The following DOCK8 variants were observed in gnomAD, a reference collection of about 807,000 sequenced individuals.
The protein encoded by DOCK8 is dedicator of cytokinesis protein 8.
In DOCK8, 141 loss-of-function variants were observed where a neutral mutation model predicts 245.6. The ratio of observed to expected loss-of-function variants is 0.57; its 90% CI spans 0.50 to 0.66. The LOEUF (loss-of-function observed/expected upper bound fraction) is 0.66, where lower values mean the gene tolerates loss of function less well. Among genes scored for constraint, DOCK8 ranks in the 30% least tolerant of loss-of-function variants. The pLI is 0.00. For missense variants in DOCK8, 2,965 were observed against 2,603.4 expected (o/e 1.14, Z -3.02); for synonymous variants, 1,168 against 970.2 (o/e 1.20, Z -3.79).
At chr9:279,111 A>C (rs1439156277) in intron 2 of DOCK8, among the ~76,000 whole-genome samples, 1 of 152,196 alleles carries the variant, frequency 6.6e-6, no homozygotes, top group East Asian at 1.9e-4. Flanking sequence ...TGATATGTAG[A>C]GTGTAGGAGA....
intron 1 of DOCK8, among the ~76,000 whole-genome samples, chr9:269,552 CTTT>C (rs57326015): frequency 5.7e-5 from 6 of 104,982 alleles, no homozygotes; most frequent in Non-Finnish European, 9.9e-5. Context: ...GTGTGGTTGT[CTTT>C]TTTTTTTTTT....
At chr9:429,589 A>G (rs1244198021) in intron 35 of DOCK8, 113 bp from the exon 36 acceptor site, 3 of 1,289,566 alleles carry the variant, frequency 2.3e-6, no homozygotes, top group Non-Finnish European at 3.3e-6. Context: ...GGAATAATGC[A>G]TTAACTCTTC....
chr9:458,188 CT>C (rs1158693980), intron 46 of DOCK8: 3 of 152,234 alleles, frequency 2.0e-5, no homozygotes, highest in African/African-American at 4.8e-5. Flanking sequence ...GACCCTGGTT[CT>C]TTTCCAATCC....
intron 1 of DOCK8, among the ~76,000 whole-genome samples, chr9:225,189 A>T (rs140847179): frequency 3.9e-5 from 6 of 152,128 alleles, no homozygotes; most frequent in Admixed American, 2.6e-4. Flanking sequence ...GGTGACTATA[A>T]ATGCAAAAGT....
chr9:302,844 A>C (rs1195264935), intron 4 of DOCK8, among the ~76,000 whole-genome samples: 1 of 152,132 alleles, frequency 6.6e-6, no homozygotes, highest in Non-Finnish European at 1.5e-5. Context: ...AAGTCATAAA[A>C]TAGACTGGGC....
chr9:345,205 T>C (rs2051821253), intron 14 of DOCK8, among the ~76,000 whole-genome samples: 2 of 152,158 alleles, frequency 1.3e-5, no homozygotes, highest in Admixed American at 6.5e-5. Flanking sequence ...CATACCTGTA[T>C]CCCTTAAGGA....
chr9:449,606 A>G (rs1394662003), intron 44 of DOCK8, among the ~76,000 whole-genome samples, 178 bp from the exon 45 acceptor site: 1 of 152,210 alleles, frequency 6.6e-6, no homozygotes, highest in Non-Finnish European at 1.5e-5. Context: ...AACATAAGGA[A>G]TCAAGAAATG....
At chr9:416,334 T>C (rs1184216766) in intron 29 of DOCK8, among the ~76,000 whole-genome samples, 1 of 152,222 alleles carries the variant, frequency 6.6e-6, no homozygotes, top group Non-Finnish European at 1.5e-5. Flanking sequence ...ATGGCAAGTT[T>C]CTAAAAAGTT....
At chr9:397,692 A>G (rs2054530203) in intron 25 of DOCK8, among the ~76,000 whole-genome samples, 2 of 152,230 alleles carry the variant, frequency 1.3e-5, no homozygotes, top group Non-Finnish European at 1.5e-5. Flanking sequence ...TCCATCTAAA[A>G]GAAAAATGTA....
chr9:283,605 AC>A (rs1484212031), intron 2 of DOCK8, among the ~76,000 whole-genome samples: 1 of 152,138 alleles, frequency 6.6e-6, no homozygotes, highest in Non-Finnish European at 1.5e-5. Context: ...CCATGTGTAC[AC>A]ATTATTTAGC....
At chr9:231,401 A>G (rs1445521613) in intron 1 of DOCK8, among the ~76,000 whole-genome samples, 4 of 152,218 alleles carry the variant, frequency 2.6e-5, no homozygotes, top group Non-Finnish European at 5.9e-5. Context: ...TTTTGGTTCC[A>G]TATGAACTTT....
intron 28 of DOCK8, 34 bp downstream of exon 28, chr9:407,103 C>G (rs1188263154): frequency 1.2e-6 from 2 of 1,613,498 alleles, no homozygotes; most frequent in Admixed American, 3.3e-5. Flanking sequence ...GAAGATGAAG[C>G]CAAAAAAACA....
intron 14 of DOCK8, among the ~76,000 whole-genome samples, chr9:354,645 C>A (rs2052338703): frequency 6.6e-6 from 1 of 152,138 alleles, no homozygotes; most frequent in South Asian, 2.1e-4. Context: ...GGGGGTGGAT[C>A]CACTTCCAAG....
chr9:451,038 C>G (rs2057414699), intron 45 of DOCK8, among the ~76,000 whole-genome samples: 1 of 152,094 alleles, frequency 6.6e-6, no homozygotes, highest in Non-Finnish European at 1.5e-5. Flanking sequence ...CGGCGCCAGG[C>G]TCAGTGGCTC....
chr9:250,190 G>A (rs185839814), intron 1 of DOCK8, among the ~76,000 whole-genome samples: 3 of 152,318 alleles, frequency 2.0e-5, no homozygotes, highest in Admixed American at 6.5e-5. Context: ...AGAGAGGGCT[G>A]AGTTGTTTGT....
In DOCK8 at chr9:418,276, T is replaced by G. The variant is rs12352911; in HGVS notation, c.3840+69T>G. On this transcript the variant is annotated intron_variant, in intron 30 of 47. Transcript: ENST00000432829. ...CTTCTGTCTTCTGTTTTGTTTTGTT[T>G]GTTTGTTTGTTTTGAGACAGAGTCT... The G allele has an allele frequency of 0.12, 189,525 of 1,596,424 alleles. 17,226 individuals carry two copies. Among genetic ancestry groups the G allele is most frequent in the East Asian group, 0.54 (24,184 of 44,694 alleles).
chr9:362,475 C>T (rs924356675), intron 14 of DOCK8, among the ~76,000 whole-genome samples: 11 of 152,314 alleles, frequency 7.2e-5, no homozygotes, highest in African/African-American at 2.4e-4. Context: ...TTTGCTCCAG[C>T]AACTTCAGCT....
At chr9:451,728 T>C (rs1489784160) in intron 45 of DOCK8, among the ~76,000 whole-genome samples, 1 of 151,860 alleles carries the variant, frequency 6.6e-6, no homozygotes, top group Non-Finnish European at 1.5e-5. Flanking sequence ...TCCTGAGATG[T>C]CCAAGACCTT....
intron 2 of DOCK8, among the ~76,000 whole-genome samples, chr9:283,206 A>G (rs2048665038): frequency 6.6e-6 from 1 of 152,214 alleles, no homozygotes; most frequent in South Asian, 2.1e-4. Flanking sequence ...GAAAATTATT[A>G]AATCTCTAGC....
Sources: allele counts gnomAD v4.1 joint callset (sites outside exome capture counted in the v4.1 genomes callset), GRCh38; gene constraint gnomAD v4.1.1; transcripts MANE v1.5; gene names NCBI Gene and HGNC (gene_info 2026-07-23, HGNC 2026-07-21).